Variants in MLPH observed in about 807,000 individuals in gnomAD.
MLPH encodes the protein exophilin-3.
MLPH carries 51 observed loss-of-function variants against 72.1 expected under a neutral mutation model. The observed-to-expected ratio is 0.71, with a 90% confidence interval of 0.56 to 0.89. The LOEUF is 0.89. MLPH is among the 40% of genes least tolerant of loss of function. MLPH has a pLI of 0.00. For missense variants in MLPH, 743 were observed against 759.9 expected, an observed-to-expected ratio of 0.98 and a Z score of 0.26; for synonymous variants, 301 against 310.1, an observed-to-expected ratio of 0.97 and a Z score of 0.31.
chr2:237,522,722 C>T (rs1004224599), intron 6 of MLPH, among the ~76,000 whole-genome samples: 7 of 152,106 alleles, frequency 4.6e-5, no homozygotes, highest in South Asian at 2.1e-4. Context: ...GGATGGAGGC[C>T]GAATTGAGCT....
intron 1 of MLPH, among the ~76,000 whole-genome samples, chr2:237,488,756 G>A (rs1399138060): frequency 6.6e-6 from 1 of 152,206 alleles, no homozygotes; most frequent in East Asian, 1.9e-4. Flanking sequence ...CTGAATGTGT[G>A]CCCAGTGAGG....
chr2:237,523,202 C>T (rs940149103), intron 6 of MLPH, among the ~76,000 whole-genome samples: 2 of 152,092 alleles, frequency 1.3e-5, no homozygotes, highest in African/African-American at 2.4e-5. Context: ...ATAATGGCTT[C>T]TTGGTCTGTG....
intron 11 of MLPH, among the ~76,000 whole-genome samples, chr2:237,542,340 C>T (rs2080708317): frequency 6.6e-6 from 1 of 152,162 alleles, no homozygotes; most frequent in Non-Finnish European, 1.5e-5. Flanking sequence ...TTCCTCCTGC[C>T]TGGGGTGACC....
intron 2 of MLPH, among the ~76,000 whole-genome samples, chr2:237,498,176 C>A (rs1349268859): frequency 5.3e-5 from 8 of 151,996 alleles, no homozygotes; most frequent in Non-Finnish European, 5.9e-5. Flanking sequence ...AAGGCCAGTG[C>A]CCCAGAAACA....
intron 1 of MLPH, among the ~76,000 whole-genome samples, chr2:237,488,021 C>T (rs2079353232): frequency 6.6e-6 from 1 of 152,182 alleles, no homozygotes; most frequent in Non-Finnish European, 1.5e-5. Flanking sequence ...CACCTGTGGG[C>T]TTCGTCCCTA....
rs1394171038 is a variant in MLPH at position 237,487,714 on chromosome 2, CG to C, written c.-25+279del. Among the ~76,000 whole-genome samples, 14 of 152,310 alleles carry C rather than the reference CG, an allele frequency of 9.2e-5. No homozygotes were observed. The East Asian group carries it at 2.7e-3, about 29-fold the overall frequency. ...CGGGGGATCCCCATTTTGGGCAAAA[CG>C]GTTGGTTTTAATCAGAAGCTCCATT... On this transcript the variant is annotated intron_variant, in intron 1 of 15. Coordinates refer to ENST00000264605, the MANE Select transcript of MLPH (RefSeq NM_024101.7).
rs962164422 is a variant in MLPH, at chr2:237,520,108, G to C, written c.675+79G>C. Reference sequence around the variant, plus strand: ...GTGCTCAGGCCCCAGGTGAGGGACAGCACTCTGGAAGCAGTGTCTGATGGC... The same window carrying C: ...GTGCTCAGGCCCCAGGTGAGGGACACCACTCTGGAAGCAGTGTCTGATGGC... On this transcript the variant is annotated intron_variant, in intron 6 of 15. Coordinates refer to ENST00000264605, the MANE Select transcript of MLPH (RefSeq NM_024101.7). 6 of 1,593,082 alleles carry C rather than the reference G, an allele frequency of 3.8e-6. No homozygotes were observed. The African/African-American group carries it at 8.1e-5, about 21-fold the overall frequency.
Position 237,512,441 on chromosome 2 carries a change from C to A in MLPH, c.445+1340C>A, listed in dbSNP as rs1223975179. ...TTGGGTGGTGGGGTGGGGATGGGGG[C>A]AGGTATGATCAATCATCCAAACCAG... On this transcript the variant is annotated intron_variant, in intron 4 of 15. Transcript: ENST00000264605. The surrounding 1 kb of genome is among the most constrained non-coding windows in gnomAD (Gnocchi z 5.5). Among the ~76,000 whole-genome samples the A allele has an allele frequency of 2.0e-5, 3 of 152,110 alleles. No homozygotes were observed. Among genetic ancestry groups the A allele is most frequent in the Non-Finnish European group, 4.4e-5 (3 of 68,030 alleles).
At chr2:237,490,639 C>A (rs2106448088) in intron 1 of MLPH, among the ~76,000 whole-genome samples, 1 of 152,280 alleles carries the variant, frequency 6.6e-6, no homozygotes, top group Non-Finnish European at 1.5e-5. Context: ...TCCATCCATT[C>A]TGAAAATAGA....
intron 6 of MLPH, among the ~76,000 whole-genome samples, chr2:237,520,519 C>T (rs895981247): frequency 6.6e-5 from 10 of 152,196 alleles, no homozygotes; most frequent in South Asian, 4.1e-4. Context: ...ACAGGGCATG[C>T]GCAGGGGCCA....
Position 237,553,551 on chromosome 2 carries a change from G to C in MLPH, c.1777-15G>C, listed in dbSNP as rs758716345. On this transcript the variant is annotated splice_polypyrimidine_tract_variant and intron_variant, in intron 15 of 15. Transcript: ENST00000264605. Reference sequence around the variant, plus strand: ...TGTGTGTGCTTATATGTGCATGTGTGTTTGTACTTTACAGAAACCTGTGGT... The same window carrying C: ...TGTGTGTGCTTATATGTGCATGTGTCTTTGTACTTTACAGAAACCTGTGGT... 3 of 1,613,726 alleles carry C rather than the reference G, an allele frequency of 1.9e-6. No homozygotes were observed. The highest frequency in any genetic ancestry group is 2.2e-5 in the East Asian group (1 of 44,886).
intron 8 of MLPH, among the ~76,000 whole-genome samples, chr2:237,531,322 A>C (rs2080416645): frequency 6.6e-6 from 1 of 152,174 alleles, no homozygotes; most frequent in South Asian, 2.1e-4. Context: ...TGGCCAGGAT[A>C]GAGACCTCCC....
chr2:237,495,683 C>T (rs896744810), intron 2 of MLPH, among the ~76,000 whole-genome samples: 2 of 152,160 alleles, frequency 1.3e-5, no homozygotes, highest in Admixed American at 6.5e-5. Context: ...CACTCTCCCT[C>T]GGCCCTGGAC....
At position 237,512,706 on chromosome 2, in the gene MLPH, A is replaced by C. The variant is rs3087553; in HGVS notation, c.445+1605A>C. ...TGGTCCAGCCTCCAGTCCACCCCTA[A>C]CAGGCTTAAGGATAGAAACGACACA... On this transcript the variant is annotated intron_variant, in intron 4 of 15. Transcript: ENST00000264605. The surrounding 1 kb of genome is among the most constrained non-coding windows in gnomAD (Gnocchi z 5.5). Among the ~76,000 whole-genome samples, 56,811 of 151,934 alleles carry C rather than the reference A, an allele frequency of 0.37. 12,944 individuals carry two copies. The highest frequency in any genetic ancestry group is 0.64 in the African/African-American group (26,572 of 41,396).
chr2:237,518,429 G>T, intron 4 of MLPH, 110 bp from the exon 5 acceptor site: 1 of 847,696 alleles, frequency 1.2e-6, no homozygotes, highest in Non-Finnish European at 2.0e-6. Flanking sequence ...AGGAGGGAGG[G>T]ATGGGCAGGT....
At chr2:237,495,861 G>A (rs192193564) in intron 2 of MLPH, among the ~76,000 whole-genome samples, 4 of 152,172 alleles carry the variant, frequency 2.6e-5, no homozygotes, top group African/African-American at 4.8e-5. Flanking sequence ...GCAGCTGACC[G>A]CAGGGCTGAC....
chr2:237,503,557 T>C (rs2079698702), intron 2 of MLPH, among the ~76,000 whole-genome samples: 1 of 151,936 alleles, frequency 6.6e-6, no homozygotes, highest in African/African-American at 2.4e-5. Context: ...TGACGTGAGG[T>C]TTACTTTGGT....
intron 1 of MLPH, among the ~76,000 whole-genome samples, chr2:237,489,373 A>G (rs1194591733): frequency 3.3e-5 from 5 of 152,238 alleles, no homozygotes; most frequent in African/African-American, 1.2e-4. Flanking sequence ...TGCTGGGGCC[A>G]TTCCAGACCC....
At chr2:237,533,543 GCCACCACC>G (rs1423847159) in intron 8 of MLPH, among the ~76,000 whole-genome samples, 1 of 152,058 alleles carries the variant, frequency 6.6e-6, no homozygotes, top group African/African-American at 2.4e-5. Context: ...ACAGGCATGA[GCCACCACC>G]CCTGGCTAAT....
Sources: allele counts gnomAD v4.1 joint callset (sites outside exome capture counted in the v4.1 genomes callset), GRCh38; gene constraint gnomAD v4.1.1; non-coding constraint Gnocchi (gnomAD v3.1); transcripts MANE v1.5; gene names NCBI Gene and HGNC (gene_info 2026-07-23, HGNC 2026-07-21).